CLYBL: variants seen among roughly 807,000 people sequenced by gnomAD.
CLYBL encodes the protein citramalyl-CoA lyase.
In CLYBL, 31 loss-of-function variants were observed where a neutral mutation model predicts 38.9. That is an observed-to-expected ratio of 0.80 (90% CI 0.60 to 1.08). The LOEUF (loss-of-function observed/expected upper bound fraction) is 1.08. CLYBL is among the 50% of genes least tolerant of loss of function. CLYBL has a pLI of 0.00. For synonymous variants in CLYBL, 171 were observed against 158.6 expected (o/e 1.08, Z -0.59); for missense variants, 434 against 411.6 (o/e 1.05, Z -0.47).
chr13:99,732,354 C>T (rs980082676), intron 1 of CLYBL, among the ~76,000 whole-genome samples: 2 of 151,984 alleles, frequency 1.3e-5, no homozygotes, highest in East Asian at 1.9e-4. Flanking sequence ...CCACCACACC[C>T]GGCTAAGTTT....
chr13:99,753,993 A>G (rs780016630), intron 1 of CLYBL, among the ~76,000 whole-genome samples: 1 of 149,696 alleles, frequency 6.7e-6, no homozygotes, highest in South Asian at 2.1e-4. Context: ...AGGCTGAGGC[A>G]GAAGAATCGC....
Position 99,833,676 on chromosome 13 carries a change from C to T in CLYBL, c.250-25185C>T, listed in dbSNP as rs140909233. Among the ~76,000 whole-genome samples the T allele has an allele frequency of 2.1e-3, 280 of 134,792 alleles. 1 individual carries two copies. Among genetic ancestry groups the T allele is most frequent in the African/African-American group, 7.5e-3 (268 of 35,902 alleles). 88.4% of individuals were successfully genotyped at this position (134,792 alleles called of 152,430 possible). A position where few individuals can be genotyped will look rare whatever the true frequency, so the allele number is the denominator to read the frequency against. ...CAAATGTGACAGGAAGCGGGGTTAC[C>T]GTGTTGCTTTTTTTTTTTTTTTTTT... On this transcript the variant is annotated intron_variant, in intron 2 of 8. Transcript: ENST00000339105.
intron 2 of CLYBL, among the ~76,000 whole-genome samples, chr13:99,817,362 G>GA (rs1355458369): frequency 6.6e-6 from 1 of 152,122 alleles, no homozygotes; most frequent in Non-Finnish European, 1.5e-5. Flanking sequence ...GAGAAGATGT[G>GA]AAAACTTAAG....
chr13:99,640,086 C>G, intron 1 of CLYBL, among the ~76,000 whole-genome samples: 1 of 152,180 alleles, frequency 6.6e-6, no homozygotes, highest in Non-Finnish European at 1.5e-5. Context: ...TGACTTTAAT[C>G]TCTCTTGATA....
At chr13:99,791,849 A>C (rs142467014) in intron 2 of CLYBL, among the ~76,000 whole-genome samples, 1 of 152,284 alleles carries the variant, frequency 6.6e-6, no homozygotes, top group African/African-American at 2.4e-5. Context: ...ATTGATTATT[A>C]CCTTAGAGTC....
At chr13:99,786,934 G>A (rs2049808291) in intron 2 of CLYBL, among the ~76,000 whole-genome samples, 1 of 152,006 alleles carries the variant, frequency 6.6e-6, no homozygotes, top group Non-Finnish European at 1.5e-5. Context: ...TTGTGGTTTT[G>A]ATTTGCATTT....
intron 1 of CLYBL, among the ~76,000 whole-genome samples, chr13:99,658,323 C>T (rs1323405380): frequency 6.6e-6 from 1 of 152,250 alleles, no homozygotes; most frequent in Non-Finnish European, 1.5e-5. Flanking sequence ...GTAATCACCA[C>T]CTTCAGCGCT....
At chr13:99,765,359 T>C (rs1026952101) in intron 1 of CLYBL, among the ~76,000 whole-genome samples, 1 of 152,208 alleles carries the variant, frequency 6.6e-6, no homozygotes, top group African/African-American at 2.4e-5. Context: ...CCTTGACCTT[T>C]GAGAGTCTGA....
At chr13:99,762,124 A>AT (rs972530956) in intron 1 of CLYBL, among the ~76,000 whole-genome samples, 4 of 151,870 alleles carry the variant, frequency 2.6e-5, no homozygotes, top group Middle Eastern at 3.4e-3. Context: ...TTGTCTCATC[A>AT]TTTTTTTTAT....
At chr13:99,645,629 T>C (rs954268197) in intron 1 of CLYBL, among the ~76,000 whole-genome samples, 2 of 152,180 alleles carry the variant, frequency 1.3e-5, no homozygotes, top group African/African-American at 4.8e-5. Flanking sequence ...TGTCTTCTTC[T>C]GAGAAATATC....
downstream of CLYBL, chr13:99,895,412 C>T (rs1307953370): frequency 6.6e-6 from 1 of 152,230 alleles, no homozygotes; most frequent in African/African-American, 2.4e-5. Flanking sequence ...TGGACGCGGC[C>T]GAGGGTCGGG....
chr13:99,900,886 C>G (rs1484693253), downstream of CLYBL, among the ~76,000 whole-genome samples: 1 of 152,206 alleles, frequency 6.6e-6, no homozygotes, highest in Non-Finnish European at 1.5e-5. Context: ...TTCAAACAAC[C>G]AGTCATCAAA....
intron 1 of CLYBL, among the ~76,000 whole-genome samples, chr13:99,631,224 A>G (rs149419539): frequency 0.013 from 1,929 of 152,002 alleles, 20 homozygotes; most frequent in Middle Eastern, 0.051. Flanking sequence ...CCAGAGGTTG[A>G]GGTGGGAGGA....
chr13:99,834,709 C>G (rs892617689), intron 2 of CLYBL, among the ~76,000 whole-genome samples: 1 of 152,208 alleles, frequency 6.6e-6, no homozygotes, highest in Non-Finnish European at 1.5e-5. Flanking sequence ...GTTCTCGGTC[C>G]TCTGCAGCCT....
At chr13:99,624,065 A>G (rs1452386999) in intron 1 of CLYBL, among the ~76,000 whole-genome samples, 2 of 152,146 alleles carry the variant, frequency 1.3e-5, no homozygotes, top group Admixed American at 1.3e-4. Context: ...GCAACATCAG[A>G]TAGATACCTA....
At chr13:99,887,472 G>A (rs2052379167) in intron 7 of CLYBL, among the ~76,000 whole-genome samples, 1 of 152,246 alleles carries the variant, frequency 6.6e-6, no homozygotes, top group Non-Finnish European at 1.5e-5. Flanking sequence ...ACAGAAAGGA[G>A]AATGGTGCTG....
chr13:99,624,276 G>A (rs2046839243), intron 1 of CLYBL, among the ~76,000 whole-genome samples: 1 of 152,212 alleles, frequency 6.6e-6, no homozygotes, highest in Non-Finnish European at 1.5e-5. Flanking sequence ...GCCCAGCACA[G>A]TGCCTGACAC....
At chr13:99,866,153 T>C in intron 5 of CLYBL, 87 bp from the exon 6 acceptor site, 2 of 1,292,716 alleles carry the variant, frequency 1.5e-6, no homozygotes, top group Non-Finnish European at 2.2e-6. Flanking sequence ...GGTTTAGATA[T>C]CTGTACAAAC....
At chr13:99,731,758 C>T (rs943253194) in intron 1 of CLYBL, among the ~76,000 whole-genome samples, 1 of 152,174 alleles carries the variant, frequency 6.6e-6, no homozygotes, top group Non-Finnish European at 1.5e-5. Flanking sequence ...GGGCCTCGGA[C>T]ATCTCCTGAT....
Sources: allele counts gnomAD v4.1 joint callset (sites outside exome capture counted in the v4.1 genomes callset), GRCh38; gene constraint gnomAD v4.1.1; transcripts MANE v1.5; gene names NCBI Gene and HGNC (gene_info 2026-07-23, HGNC 2026-07-21).